Variants in MAP2K5 observed in about 807,000 individuals in gnomAD.
MAP2K5 encodes the protein mitogen-activated protein kinase kinase 5.
Under a neutral mutation model 83.1 loss-of-function variants are expected in MAP2K5, and 49 were observed. The ratio of observed to expected loss-of-function variants is 0.59; its 90% CI spans 0.47 to 0.75. The LOEUF (loss-of-function observed/expected upper bound fraction) is 0.75. MAP2K5 is among the 30% of genes least tolerant of loss of function. The probability of loss-of-function intolerance (pLI) is 0.00; values close to 1 mark genes in which losing one functional copy is unlikely to be tolerated. For synonymous variants in MAP2K5, 202 were observed against 191.8 expected (o/e 1.05, Z -0.44); for missense variants, 457 against 557.5 (o/e 0.82, Z 1.82).
chr15:67,582,743 C>T (rs1303096373), intron 4 of MAP2K5, among the ~76,000 whole-genome samples: 4 of 151,896 alleles, frequency 2.6e-5, no homozygotes, highest in Non-Finnish European at 4.4e-5. Context: ...ATGGCTTGAG[C>T]CCAAGAGGTT....
Position 67,790,779 on chromosome 15 carries a change from C to T in MAP2K5, c.1243-15867C>T, listed in dbSNP as rs548065009. On this transcript the variant is annotated intron_variant, in intron 21 of 21. Coordinates refer to ENST00000178640, the MANE Select transcript of MAP2K5 (RefSeq NM_145160.3). The surrounding 1 kb of genome is among the most constrained non-coding windows in gnomAD (Gnocchi z 4.6). Reference sequence around the variant, plus strand: ...AATGTCTGCCACACTTAGTGCTGAACATGTGTTAGGTGTTATAAAAGTTTC... The same window carrying T: ...AATGTCTGCCACACTTAGTGCTGAATATGTGTTAGGTGTTATAAAAGTTTC... Among the ~76,000 whole-genome samples, 3 of 151,678 alleles carry T rather than the reference C, an allele frequency of 2.0e-5. No homozygotes were observed. The East Asian group carries it at 5.8e-4, about 29-fold the overall frequency.
intron 15 of MAP2K5, among the ~76,000 whole-genome samples, chr15:67,693,920 GT>G (rs757816048): frequency 0.018 from 2,536 of 142,838 alleles, 55 homozygotes; most frequent in African/African-American, 0.049. Context: ...CAATAAAATT[GT>G]TTTTTTTTTT....
Position 67,779,716 on chromosome 15 carries a change from G to A in MAP2K5, c.1242+6964G>A, listed in dbSNP as rs1253548144. On this transcript the variant is annotated intron_variant, in intron 21 of 21. Transcript: ENST00000178640. This position sits in a 1 kb window ranked among gnomAD's most constrained non-coding sequence, Gnocchi z 4.6. ...AACTCATGTCTCTAATGCCTCTTTCGTGTTTTATTGGACTGTCATCTTCCT... is the reference window on the plus strand; with the variant it reads ...AACTCATGTCTCTAATGCCTCTTTCATGTTTTATTGGACTGTCATCTTCCT... 2.6e-5 allele frequency among the ~76,000 whole-genome samples: 4 copies of A among 152,116 alleles called. No individual in the cohort carries two copies. The highest frequency in any genetic ancestry group is 7.2e-5 in the African/African-American group (3 of 41,414).
chr15:67,558,545 C>A (rs1465009457), intron 2 of MAP2K5, among the ~76,000 whole-genome samples: 1 of 152,190 alleles, frequency 6.6e-6, no homozygotes, highest in Non-Finnish European at 1.5e-5. Flanking sequence ...CAGTGATTTC[C>A]ATCTCACTCC....
rs1033604862 is a variant in MAP2K5, at chr15:67,779,205, C to T, written c.1242+6453C>T. On this transcript the variant is annotated intron_variant, in intron 21 of 21. Coordinates refer to ENST00000178640, the MANE Select transcript of MAP2K5 (RefSeq NM_145160.3). This position sits in a 1 kb window ranked among gnomAD's most constrained non-coding sequence, Gnocchi z 4.6. Reference sequence around the variant, plus strand: ...CCCCACGTAGGGTCCAGCTGACAACCATGGAATTTTTTTTTAAGTTCTGAA... The same window carrying T: ...CCCCACGTAGGGTCCAGCTGACAACTATGGAATTTTTTTTTAAGTTCTGAA... Among the ~76,000 whole-genome samples the T allele has an allele frequency of 1.3e-5, 2 of 152,168 alleles. No homozygotes were observed. The highest frequency in any genetic ancestry group is 4.8e-5 in the African/African-American group (2 of 41,436).
intron 13 of MAP2K5, among the ~76,000 whole-genome samples, chr15:67,682,882 A>G (rs1158897336): frequency 4.6e-5 from 7 of 150,838 alleles, no homozygotes; most frequent in Admixed American, 4.0e-4. Context: ...GCTCATGCTT[A>G]TAATCCCAGC....
At chr15:67,653,775 A>G (rs2087005845) in intron 11 of MAP2K5, among the ~76,000 whole-genome samples, 1 of 151,650 alleles carries the variant, frequency 6.6e-6, no homozygotes. Flanking sequence ...GCAAGTTAGG[A>G]TATTGATTTG....
chr15:67,631,099 G>A (rs1054611943), intron 9 of MAP2K5, among the ~76,000 whole-genome samples, 172 bp downstream of exon 9: 1 of 152,180 alleles, frequency 6.6e-6, no homozygotes, highest in Admixed American at 6.5e-5. Context: ...GATCTTTTAA[G>A]TATGCCTTAA....
chr15:67,589,637 T>A (rs1228741520), intron 6 of MAP2K5, among the ~76,000 whole-genome samples: 2 of 152,248 alleles, frequency 1.3e-5, no homozygotes, highest in Non-Finnish European at 2.9e-5. Flanking sequence ...TTCAAGTTTA[T>A]AACATAATGG....
intron 15 of MAP2K5, among the ~76,000 whole-genome samples, chr15:67,695,170 T>G (rs2088219373): frequency 6.6e-6 from 1 of 151,140 alleles, no homozygotes. Context: ...GATGACGAGT[T>G]AGTGGGTGCA....
intron 13 of MAP2K5, among the ~76,000 whole-genome samples, chr15:67,666,569 G>A (rs983627898): frequency 6.6e-6 from 1 of 152,134 alleles, no homozygotes; most frequent in East Asian, 1.9e-4. Context: ...AAGCCAGTAG[G>A]TCCTTCTTTT....
chr15:67,571,302 A>T (rs2084942661), intron 3 of MAP2K5, among the ~76,000 whole-genome samples: 1 of 152,236 alleles, frequency 6.6e-6, no homozygotes, highest in Admixed American at 6.5e-5. Context: ...CCTCTGGCAT[A>T]AGAGGAAATA....
chr15:67,567,738 C>A (rs181444357), intron 3 of MAP2K5, among the ~76,000 whole-genome samples: 1 of 152,190 alleles, frequency 6.6e-6, no homozygotes. Context: ...ATTCTGAAAA[C>A]TAAATACCTG....
At position 67,676,655 on chromosome 15, in the gene MAP2K5, A is replaced by G. The variant is rs756666543; in HGVS notation, c.847+12010A>G. Among the ~76,000 whole-genome samples, 3 of 152,200 alleles carry G rather than the reference A, an allele frequency of 2.0e-5. No homozygotes were observed. Among genetic ancestry groups the G allele is most frequent in the Admixed American group, 1.3e-4 (2 of 15,278 alleles). On this transcript the variant is annotated intron_variant, in intron 13 of 21. Coordinates refer to ENST00000178640, the MANE Select transcript of MAP2K5 (RefSeq NM_145160.3). This position sits in a 1 kb window ranked among gnomAD's most constrained non-coding sequence, Gnocchi z 4.8. ...TAATATCATTTATTGAGTACCTTGT[A>G]TGTGCTACAGTGTTAGCTCTCTTGT...
rs892053748 is a variant in MAP2K5, at chr15:67,636,058, C to A, written c.585+5131C>A. 6.6e-6 allele frequency among the ~76,000 whole-genome samples: 1 copy of A among 152,176 alleles called. No individual in the cohort carries two copies. The highest frequency in any genetic ancestry group is 2.4e-5 in the African/African-American group (1 of 41,440). On this transcript the variant is annotated intron_variant, in intron 9 of 21. Coordinates refer to ENST00000178640, the MANE Select transcript of MAP2K5 (RefSeq NM_145160.3). This position sits in a 1 kb window ranked among gnomAD's most constrained non-coding sequence, Gnocchi z 4.7. ...GGCTCAAGCAATCCACCCGCCTCCA[C>A]CTATCAAAGTGCTGGGATTACAGGT... is the stretch of plus-strand genomic sequence containing the variant.
rs972039339 is a variant in MAP2K5, at chr15:67,644,048, C to A, written c.586-2183C>A. Among the ~76,000 whole-genome samples the A allele has an allele frequency of 6.6e-6, 1 of 152,160 alleles. No individual in the cohort carries two copies. The highest frequency in any genetic ancestry group is 2.4e-5 in the African/African-American group (1 of 41,442). The stretch of plus-strand genomic sequence containing the variant: ...ATGTCTAGAGCCAGAAACTCTGCCA[C>A]AAATCATAAAAATTGTTTTCCACCT... On this transcript the variant is annotated intron_variant, in intron 9 of 21. Coordinates refer to ENST00000178640, the MANE Select transcript of MAP2K5 (RefSeq NM_145160.3). This position sits in a 1 kb window ranked among gnomAD's most constrained non-coding sequence, Gnocchi z 4.6.
At chr15:67,593,023 C>T (rs761898141) in intron 7 of MAP2K5, 49 bp downstream of exon 7, 40 of 1,235,938 alleles carry the variant, frequency 3.2e-5, no homozygotes, top group African/African-American at 1.1e-4. Context: ...AACATATTAC[C>T]GTCCAGTTTT....
rs1248395043 is a variant in MAP2K5 at position 67,562,072 on chromosome 15, C to T, written c.185-1211C>T. ...CAGCAATTATATGCCCAAGAGTGAA[C>T]AAAAATAATAATTCCGATTGTTAAC... On this transcript the variant is annotated intron_variant, in intron 2 of 21. Coordinates refer to ENST00000178640, the MANE Select transcript of MAP2K5 (RefSeq NM_145160.3). The surrounding 1 kb of genome is among the most constrained non-coding windows in gnomAD (Gnocchi z 4.1). Among the ~76,000 whole-genome samples, 1 of 152,160 alleles carries T rather than the reference C, an allele frequency of 6.6e-6. No individual in the cohort carries two copies. The highest frequency in any genetic ancestry group is 6.5e-5 in the Admixed American group (1 of 15,278).
intron 8 of MAP2K5, among the ~76,000 whole-genome samples, chr15:67,621,460 T>G (rs541939244): frequency 6.9e-6 from 1 of 144,848 alleles, no homozygotes; most frequent in Non-Finnish European, 1.5e-5. Context: ...GAACAAAAGT[T>G]AATTAAGTGA....
Sources: allele counts gnomAD v4.1 joint callset (sites outside exome capture counted in the v4.1 genomes callset), GRCh38; gene constraint gnomAD v4.1.1; non-coding constraint Gnocchi (gnomAD v3.1); transcripts MANE v1.5; gene names NCBI Gene and HGNC (gene_info 2026-07-23, HGNC 2026-07-21).